FRYL: variants seen among roughly 807,000 people sequenced by gnomAD.
FRYL encodes FRY like transcription coactivator, also known as protein furry homolog-like.
FRYL carries 150 observed loss-of-function variants against 351.2 expected under a neutral mutation model. The ratio of observed to expected loss-of-function variants is 0.43; its 90% CI spans 0.37 to 0.49. The LOEUF (loss-of-function observed/expected upper bound fraction) is 0.49, where lower values mean the gene tolerates loss of function less well. Ranked by LOEUF, FRYL falls within the 20% of genes least tolerant of loss-of-function variation. The probability of loss-of-function intolerance (pLI) is 0.00; values close to 1 mark genes in which losing one functional copy is unlikely to be tolerated. For synonymous variants in FRYL, 1,153 were observed against 1,257.1 expected, an observed-to-expected ratio of 0.92 and a Z score of 1.75; for missense variants, 3,036 against 3,619.3, an observed-to-expected ratio of 0.84 and a Z score of 4.13.
At chr4:48,768,388 G>A (rs1329391009) in intron 1 of FRYL, among the ~76,000 whole-genome samples, 1 of 152,154 alleles carries the variant, frequency 6.6e-6, no homozygotes, top group East Asian at 1.9e-4. Context: ...CAATATTAGT[G>A]CTTTATCAAA....
chr4:48,712,367 G>A (rs1277770556), intron 1 of FRYL, among the ~76,000 whole-genome samples: 1 of 152,100 alleles, frequency 6.6e-6, no homozygotes, highest in Non-Finnish European at 1.5e-5. Flanking sequence ...ACAGAGAAGT[G>A]CTTAAAGGAG....
At chr4:48,551,462 GA>G in intron 37 of FRYL, 31 bp downstream of exon 37, 8 of 1,224,584 alleles carry the variant, frequency 6.5e-6, no homozygotes, top group Non-Finnish European at 9.3e-6. Flanking sequence ...CTGTCAAACT[GA>G]AAGGCTAATA....
At position 48,550,688 on chromosome 4, in the gene FRYL, T is replaced by C. The variant is rs1732507148; in HGVS notation, c.4537A>G (p.Ile1513Val). 6.2e-7 allele frequency: 1 copy of C among 1,612,546 alleles called. No homozygotes were observed. The highest frequency in any genetic ancestry group is 1.3e-5 in the African/African-American group (1 of 74,888). Residue 1513 changes from isoleucine to valine, a missense_variant, in exon 38 of 64, where the codon ATT (isoleucine) becomes GTT (valine). Coordinates refer to ENST00000358350, the MANE Select transcript of FRYL (RefSeq NM_015030.2). ...NIEESYVHLDIYSGLNSHLNR... is the reference protein window; with the variant it reads ...NIEESYVHLDVYSGLNSHLNR... ...AAATGACTGTTTAGTCCACTGTAAA[T>C]GTCCAGGTGCACATAGCTATGGGAA...
intron 2 of FRYL, among the ~76,000 whole-genome samples, chr4:48,700,350 C>A (rs552392551): frequency 6.6e-6 from 1 of 152,198 alleles, no homozygotes; most frequent in African/African-American, 2.4e-5. Flanking sequence ...ATTTCTCCCA[C>A]CTCATCAGGT....
chr4:48,598,873 T>A (rs1745143932), intron 13 of FRYL: 2 of 984,472 alleles, frequency 2.0e-6, no homozygotes, highest in Non-Finnish European at 2.4e-6. Flanking sequence ...TTAGATGGCA[T>A]CTAAATAAAG....
intron 49 of FRYL, among the ~76,000 whole-genome samples, chr4:48,532,893 G>A (rs995718796): frequency 2.0e-5 from 3 of 152,140 alleles, no homozygotes; most frequent in African/African-American, 7.2e-5. Context: ...CAGCTGTGAT[G>A]AGCCATCAGC....
chr4:48,736,188 C>T (rs1771381393), intron 1 of FRYL, among the ~76,000 whole-genome samples: 1 of 151,746 alleles, frequency 6.6e-6, no homozygotes, highest in African/African-American at 2.4e-5. Flanking sequence ...GAAAATACAA[C>T]ATCAAAACTG....
At chr4:48,664,089 A>T (rs1761312764) in intron 3 of FRYL, among the ~76,000 whole-genome samples, 2 of 152,186 alleles carry the variant, frequency 1.3e-5, no homozygotes, top group African/African-American at 4.8e-5. Flanking sequence ...AAAGGATAAA[A>T]GCAAAGGAAC....
At chr4:48,778,614 T>C (rs1776277094) in intron 1 of FRYL, among the ~76,000 whole-genome samples, 1 of 152,246 alleles carries the variant, frequency 6.6e-6, no homozygotes, top group African/African-American at 2.4e-5. Flanking sequence ...ACAAGGAATG[T>C]GCTATCTCTG....
intron 52 of FRYL, 80 bp downstream of exon 52, chr4:48,527,891 G>C: frequency 8.2e-7 from 1 of 1,212,810 alleles, no homozygotes; most frequent in Non-Finnish European, 1.2e-6. Context: ...AATTAGAAAA[G>C]GCAAGCAAGG....
intron 34 of FRYL, 135 bp from the exon 35 acceptor site, chr4:48,557,253 A>C (rs1734323564): frequency 8.1e-7 from 1 of 1,234,670 alleles, no homozygotes; most frequent in Non-Finnish European, 1.1e-6. Context: ...AGAAACAATA[A>C]TTTCTTCCAA....
chr4:48,739,383 A>T (rs1302656007), intron 1 of FRYL, among the ~76,000 whole-genome samples: 5 of 147,472 alleles, frequency 3.4e-5, no homozygotes, highest in Admixed American at 1.4e-4. Context: ...CCTGGGTGAC[A>T]GAGCAAGACT....
chr4:48,752,991 G>A (rs1773405022), intron 1 of FRYL, among the ~76,000 whole-genome samples: 1 of 152,116 alleles, frequency 6.6e-6, no homozygotes, highest in Non-Finnish European at 1.5e-5. Flanking sequence ...TGATTAGGTG[G>A]TTGAGGGGTC....
chr4:48,681,323 A>G (rs1764579740), intron 3 of FRYL, among the ~76,000 whole-genome samples: 1 of 152,202 alleles, frequency 6.6e-6, no homozygotes, highest in Admixed American at 6.5e-5. Flanking sequence ...GTTTGTGCTG[A>G]TAACAAACCA....
intron 35 of FRYL, 68 bp from the exon 36 acceptor site, chr4:48,553,451 A>G (rs1471944064): frequency 1.2e-5 from 13 of 1,114,570 alleles, no homozygotes; most frequent in Non-Finnish European, 1.3e-6. Flanking sequence ...CTCCTGAGAC[A>G]AACTTTATCA....
intron 53 of FRYL, among the ~76,000 whole-genome samples, chr4:48,524,388 T>G (rs1381617871): frequency 6.6e-6 from 1 of 152,098 alleles, no homozygotes; most frequent in Non-Finnish European, 1.5e-5. Context: ...ACCACCTTCC[T>G]GGAACATATC....
At chr4:48,717,981 C>G (rs763437411) in intron 1 of FRYL, among the ~76,000 whole-genome samples, 5 of 151,594 alleles carry the variant, frequency 3.3e-5, no homozygotes, top group Non-Finnish European at 5.9e-5. Context: ...CACCTTATAA[C>G]TCCATATAAT....
intron 37 of FRYL, among the ~76,000 whole-genome samples, chr4:48,551,105 CAA>C (rs1402694057): frequency 2.0e-5 from 3 of 150,720 alleles, no homozygotes; most frequent in Non-Finnish European, 4.4e-5. Flanking sequence ...AAAATACTAA[CAA>C]AAGTTTACTA....
intron 3 of FRYL, among the ~76,000 whole-genome samples, chr4:48,683,181 ACAC>A (rs1349314154): frequency 6.6e-6 from 1 of 151,102 alleles, no homozygotes; most frequent in Non-Finnish European, 1.5e-5. Flanking sequence ...AGAAAACCAA[ACAC>A]CACATGTTCT....
Sources: allele counts gnomAD v4.1 joint callset (sites outside exome capture counted in the v4.1 genomes callset), GRCh38; gene constraint gnomAD v4.1.1; transcripts MANE v1.5; gene names NCBI Gene and HGNC (gene_info 2026-07-23, HGNC 2026-07-21).